TSTD2: variants seen among roughly 807,000 people sequenced by gnomAD.
TSTD2 encodes thiosulfate sulfurtransferase like domain containing 2.
Under a neutral mutation model 47.9 loss-of-function variants are expected in TSTD2, and 37 were observed. That is an observed-to-expected ratio of 0.77 (90% CI 0.59 to 1.02). TSTD2 has a LOEUF of 1.02. TSTD2 is among the 50% of genes least tolerant of loss of function. The pLI is 0.00. For missense variants in TSTD2, 586 were observed against 616.0 expected, an observed-to-expected ratio of 0.95 and a Z score of 0.52; for synonymous variants, 201 against 215.9, an observed-to-expected ratio of 0.93 and a Z score of 0.61.
At position 97,602,345 on chromosome 9, in the gene TSTD2, C is replaced by G; in HGVS notation, c.*124G>C. On this transcript the variant is annotated 3_prime_UTR_variant, in exon 10 of 10. Transcript: ENST00000341170. The stretch of plus-strand genomic sequence containing the variant: ...CGCTGTGAAGTGTAGACGGCTGCCA[C>G]GGTGGCAGCGGCCAGAACTGAAGTT... 1 of 1,193,714 alleles carries G rather than the reference C, an allele frequency of 8.4e-7. No individual in the cohort carries two copies. The highest frequency in any genetic ancestry group is 1.1e-6 in the Non-Finnish European group (1 of 875,640). The allele number at this position is 1,193,714 out of a possible 1,614,324, so 73.9% of individuals were successfully genotyped here.
intron 3 of TSTD2, among the ~76,000 whole-genome samples, chr9:97,623,360 CTCTT>C (rs1417896432): frequency 6.6e-6 from 1 of 152,192 alleles, no homozygotes; most frequent in African/African-American, 2.4e-5. Flanking sequence ...TCCATTAAAC[CTCTT>C]TCTTTTGTAA....
At chr9:97,618,673 A>T (rs534490730) in intron 3 of TSTD2, among the ~76,000 whole-genome samples, 76 of 152,136 alleles carry the variant, frequency 5.0e-4, no homozygotes, top group African/African-American at 1.8e-3. Flanking sequence ...TGTCTTTAAT[A>T]CCCCTTTTTT....
Position 97,600,731 on chromosome 9 carries a change from A to C in TSTD2, c.*1738T>G. On this transcript the variant is annotated 3_prime_UTR_variant, in exon 10 of 10. Coordinates refer to ENST00000341170, the MANE Select transcript of TSTD2 (RefSeq NM_139246.5). Reference sequence around the variant, plus strand: ...CCGGACAATGGTGAAGAAACTCCAGATATCAAGGAATTGGGAAATCCTGGC... The same window carrying C: ...CCGGACAATGGTGAAGAAACTCCAGCTATCAAGGAATTGGGAAATCCTGGC... 9.9e-7 allele frequency: 1 copy of C among 1,007,686 alleles called. No individual in the cohort carries two copies. Among genetic ancestry groups the C allele is most frequent in the Non-Finnish European group, 1.2e-6 (1 of 843,366 alleles). The allele number at this position is 1,007,686 out of a possible 1,614,324, so 62.4% of individuals were successfully genotyped here. A position where few individuals can be genotyped will look rare whatever the true frequency, so the allele number is the denominator to read the frequency against.
At chr9:97,609,634 A>G (rs1036964346) in intron 6 of TSTD2, among the ~76,000 whole-genome samples, 6 of 152,226 alleles carry the variant, frequency 3.9e-5, no homozygotes, top group African/African-American at 1.2e-4. Context: ...ATGTTTTAAG[A>G]TGTGATATCG....
intron 4 of TSTD2, among the ~76,000 whole-genome samples, chr9:97,616,299 C>T (rs948738113): frequency 7.9e-5 from 12 of 152,114 alleles, no homozygotes; most frequent in Non-Finnish European, 8.8e-5. Context: ...GGCCAACTCA[C>T]GCAGGAACCT....
At chr9:97,623,717 T>A (rs908062286) in intron 3 of TSTD2, among the ~76,000 whole-genome samples, 1 of 151,866 alleles carries the variant, frequency 6.6e-6, no homozygotes, top group Non-Finnish European at 1.5e-5. Context: ...ATTAGCTGGG[T>A]ATGGTGGTGC....
chr9:97,626,062 C>T, intron 2 of TSTD2, 65 bp from the exon 3 acceptor site: 1 of 1,443,274 alleles, frequency 6.9e-7, no homozygotes. Flanking sequence ...ATAGAAGTCT[C>T]ACTAAGATTC....
chr9:97,617,108 A>G (rs529312758), intron 4 of TSTD2, among the ~76,000 whole-genome samples: 58 of 152,348 alleles, frequency 3.8e-4, no homozygotes, highest in African/African-American at 1.3e-3. Context: ...ATCCTTTGAA[A>G]AGCAGAAAGG....
chr9:97,619,791 G>T (rs1414242131), intron 3 of TSTD2, among the ~76,000 whole-genome samples: 1 of 152,126 alleles, frequency 6.6e-6, no homozygotes, highest in South Asian at 2.1e-4. Flanking sequence ...AGTTTTGGGG[G>T]AGTTAAAAGT....
chr9:97,622,045 T>C (rs1826647198), intron 3 of TSTD2, among the ~76,000 whole-genome samples: 1 of 152,108 alleles, frequency 6.6e-6, no homozygotes, highest in African/African-American at 2.4e-5. Context: ...ACTCTTTCTC[T>C]TTATTTCTCA....
intron 5 of TSTD2, 36 bp downstream of exon 5, chr9:97,611,538 T>C (rs752705323): frequency 6.5e-7 from 1 of 1,549,900 alleles, no homozygotes; most frequent in Non-Finnish European, 8.8e-7. Context: ...CAGAAGCAGA[T>C]GGCTCTAGAT....
intron 6 of TSTD2, among the ~76,000 whole-genome samples, chr9:97,607,550 A>T (rs1000436120): frequency 1.3e-5 from 2 of 152,200 alleles, no homozygotes; most frequent in Non-Finnish European, 2.9e-5. Context: ...GATTCTATAT[A>T]AGGTACTGTC....
At position 97,600,521 on chromosome 9, in the gene TSTD2, C is replaced by T. The variant is rs1826233375; in HGVS notation, c.*1948G>A. 1.0e-6 allele frequency: 1 copy of T among 985,502 alleles called. No individual in the cohort carries two copies. 61.0% of individuals were successfully genotyped at this position (985,502 alleles called of 1,614,324 possible). A position where few individuals can be genotyped will look rare whatever the true frequency, so the allele number is the denominator to read the frequency against. On this transcript the variant is annotated 3_prime_UTR_variant, in exon 10 of 10. Coordinates refer to ENST00000341170, the MANE Select transcript of TSTD2 (RefSeq NM_139246.5). ...TACGGCCAAATACTTTTGAAAACAC[C>T]TTTCTATATTGCACAGTGGGCAAAT...
chr9:97,625,990 G>GCAAAGGC lies in TSTD2; in HGVS notation c.166_172dup (p.Ala58GlyfsTer18). On this transcript the variant is annotated frameshift_variant, in exon 3 of 10. Transcript: ENST00000341170. LOFTEE classifies it high-confidence loss of function. ...AACTTCTTTGGTTTTGACAAAAAGGGCAAAGGCCTGCAATTAGATTTCAAA... is the reference window on the plus strand; with the variant it reads ...AACTTCTTTGGTTTTGACAAAAAGGGCAAAGGCCAAAGGCCTGCAATTAGATTTCAAA... 6.2e-7 allele frequency: 1 copy of GCAAAGGC among 1,605,608 alleles called. No homozygotes were observed. The highest frequency in any genetic ancestry group is 8.5e-7 in the Non-Finnish European group (1 of 1,177,030).
intron 6 of TSTD2, among the ~76,000 whole-genome samples, chr9:97,608,723 C>T (rs1320645981): frequency 6.6e-6 from 1 of 152,224 alleles, no homozygotes; most frequent in East Asian, 1.9e-4. Context: ...CAATGTCCTG[C>T]AGTGCCCAGG....
chr9:97,601,303 G>A lies in TSTD2; in HGVS notation c.*1166C>T. On this transcript the variant is annotated 3_prime_UTR_variant, in exon 10 of 10. Coordinates refer to ENST00000341170, the MANE Select transcript of TSTD2 (RefSeq NM_139246.5). ...ACCTGTGTGACAGGGACATGTGCCT[G>A]GCACACTGGCCAGAAGACTGGGCAG... The A allele has an allele frequency of 8.5e-7, 1 of 1,174,390 alleles. No individual in the cohort carries two copies. Among genetic ancestry groups the A allele is most frequent in the Non-Finnish European group, 1.1e-6 (1 of 928,990 alleles). 72.7% of individuals were successfully genotyped at this position (1,174,390 alleles called of 1,614,324 possible).
chr9:97,620,184 TTCTCATGAGACTGAATAAA>T (rs1826609661), intron 3 of TSTD2, among the ~76,000 whole-genome samples: 1 of 152,178 alleles, frequency 6.6e-6, no homozygotes, highest in Non-Finnish European at 1.5e-5. Context: ...TCCCATGCTG[TTCTCATGAGACTGAATAAA>T]TCTCATGAGA....
Position 97,602,574 on chromosome 9 carries a change from T to C in TSTD2, c.1446A>G (p.Thr482=), listed in dbSNP as rs754472196. ...CCCTAGGTATGCGTGGCCGTCGGGCTGTGCACTCGCATTCCTCTTTAAAGC... is the reference window on the plus strand; with the variant it reads ...CCCTAGGTATGCGTGGCCGTCGGGCCGTGCACTCGCATTCCTCTTTAAAGC... ...QDSFKEECEC[T]ARRPRIPREL... Residue 482 remains threonine (T), a synonymous_variant, in exon 10 of 10, where the codon ACA becomes ACG. Transcript: ENST00000341170. 12 of 1,614,216 alleles carry C rather than the reference T, an allele frequency of 7.4e-6. No individual in the cohort carries two copies. The South Asian group carries it at 1.1e-4, about 15-fold the overall frequency.
chr9:97,626,677 C>A (rs984472350), intron 2 of TSTD2, among the ~76,000 whole-genome samples: 18 of 152,146 alleles, frequency 1.2e-4, no homozygotes, highest in Non-Finnish European at 2.2e-4. Flanking sequence ...AATGAGCATT[C>A]CATGCATCTA....
Sources: allele counts gnomAD v4.1 joint callset (sites outside exome capture counted in the v4.1 genomes callset), GRCh38; gene constraint gnomAD v4.1.1; transcripts MANE v1.5; gene names NCBI Gene and HGNC (gene_info 2026-07-23, HGNC 2026-07-21).